The following DDX10 variants were observed in gnomAD, a reference collection of about 807,000 sequenced individuals.
The protein encoded by DDX10 is probable ATP-dependent RNA helicase DDX10.
In DDX10, 74 loss-of-function variants were observed where a neutral mutation model predicts 104.3. The observed-to-expected ratio is 0.71, with a 90% CI of 0.59 to 0.86. The LOEUF (loss-of-function observed/expected upper bound fraction) is 0.86, where lower values mean the gene tolerates loss of function less well. Ranked by LOEUF, DDX10 falls within the 40% of genes least tolerant of loss-of-function variation. The pLI is 0.00. For missense variants in DDX10, 952 were observed against 1,040.0 expected (o/e 0.92, Z 1.16); for synonymous variants, 351 against 353.4 (o/e 0.99, Z 0.08).
chr11:108,696,021 T>C (rs1228499596), intron 9 of DDX10, among the ~76,000 whole-genome samples: 2 of 152,246 alleles, frequency 1.3e-5, no homozygotes, highest in African/African-American at 2.4e-5. Context: ...TATATGATAC[T>C]GTACATTTAG....
At chr11:108,724,401 T>C (rs889464640) in intron 13 of DDX10, among the ~76,000 whole-genome samples, 11 of 152,076 alleles carry the variant, frequency 7.2e-5, no homozygotes, top group African/African-American at 2.4e-4. Context: ...ACTATCTCAT[T>C]ATACAGGTGA....
At chr11:108,884,624 T>C (rs1863270933) in intron 16 of DDX10, among the ~76,000 whole-genome samples, 1 of 152,198 alleles carries the variant, frequency 6.6e-6, no homozygotes, top group Non-Finnish European at 1.5e-5. Flanking sequence ...ATTCTCCTCT[T>C]TTATGAAACT....
chr11:108,889,140 C>T (rs1358564849), intron 16 of DDX10, among the ~76,000 whole-genome samples: 1 of 152,094 alleles, frequency 6.6e-6, no homozygotes, highest in East Asian at 1.9e-4. Context: ...TTATCTTTTT[C>T]AGCTTTTATT....
At chr11:108,818,176 T>C (rs1224254673) in intron 13 of DDX10, among the ~76,000 whole-genome samples, 2 of 152,144 alleles carry the variant, frequency 1.3e-5, no homozygotes, top group African/African-American at 4.8e-5. Flanking sequence ...CTGAGTAAGG[T>C]AGAGCGTATT....
intron 15 of DDX10, among the ~76,000 whole-genome samples, chr11:108,841,854 A>T (rs1565295581): frequency 6.6e-6 from 1 of 152,200 alleles, no homozygotes; most frequent in Non-Finnish European, 1.5e-5. Context: ...ACTATGCAGT[A>T]TGTAGCTTTT....
In DDX10 at chr11:108,879,841, T is replaced by C. The variant is rs149963680; in HGVS notation, c.2304+27632T>C. Among the ~76,000 whole-genome samples, 438 of 152,186 alleles carry C rather than the reference T, an allele frequency of 2.9e-3. 2 individuals carry two copies. The highest frequency in any genetic ancestry group is 9.2e-3 in the African/African-American group (382 of 41,574). The stretch of plus-strand genomic sequence containing the variant: ...CAAGCCTTGTCAGAATGTCCCTTAT[T>C]ACCAGGTGGCCATATCAAAATGTTC... On this transcript the variant is annotated intron_variant, in intron 16 of 17. Coordinates refer to ENST00000322536, the MANE Select transcript of DDX10 (RefSeq NM_004398.4).
At chr11:108,808,205 G>A (rs565751418) in intron 13 of DDX10, among the ~76,000 whole-genome samples, 30 of 152,222 alleles carry the variant, frequency 2.0e-4, no homozygotes, top group African/African-American at 6.3e-4. Flanking sequence ...GGGAATTTGC[G>A]GAGTTTTTTT....
intron 16 of DDX10, among the ~76,000 whole-genome samples, chr11:108,854,952 A>G (rs987965794): frequency 8.3e-6 from 1 of 120,076 alleles, no homozygotes; most frequent in East Asian, 2.5e-4. Flanking sequence ...TTTTGTTAAA[A>G]GATAGATCTA....
At chr11:108,839,340 C>G (rs1565294676) in intron 14 of DDX10, among the ~76,000 whole-genome samples, 1 of 152,128 alleles carries the variant, frequency 6.6e-6, no homozygotes, top group Non-Finnish European at 1.5e-5. Flanking sequence ...CTCACCCTGC[C>G]TCACTTTTCT....
intron 15 of DDX10, among the ~76,000 whole-genome samples, chr11:108,845,076 C>T (rs1310087603): frequency 2.0e-5 from 3 of 151,970 alleles, no homozygotes; most frequent in South Asian, 2.1e-4. Context: ...GTCGTGATGG[C>T]GGGCGCCTGT....
chr11:108,801,912 A>G (rs1041743979), intron 13 of DDX10, among the ~76,000 whole-genome samples: 2 of 152,206 alleles, frequency 1.3e-5, no homozygotes, highest in African/African-American at 4.8e-5. Context: ...AAAGAAAAAT[A>G]TAGAAATTCT....
intron 13 of DDX10, among the ~76,000 whole-genome samples, chr11:108,820,781 C>T (rs1017990785): frequency 5.3e-5 from 8 of 152,264 alleles, no homozygotes; most frequent in East Asian, 3.9e-4. Flanking sequence ...CAGTGACTCC[C>T]GGTGTTTTCA....
At chr11:108,894,318 T>G (rs762555805) in intron 16 of DDX10, among the ~76,000 whole-genome samples, 12 of 152,056 alleles carry the variant, frequency 7.9e-5, no homozygotes, top group Non-Finnish European at 1.8e-4. Context: ...GTGGTAAAGA[T>G]GTAGGAAATT....
At chr11:108,918,109 C>A in intron 17 of DDX10, 91 bp downstream of exon 17, 1 of 1,305,074 alleles carries the variant, frequency 7.7e-7, no homozygotes, top group Non-Finnish European at 1.1e-6. Flanking sequence ...GAGTTCTACT[C>A]CAAGAGATGT....
intron 14 of DDX10, 77 bp downstream of exon 14, chr11:108,838,642 T>C: frequency 2.1e-6 from 3 of 1,447,588 alleles, no homozygotes; most frequent in Non-Finnish European, 2.8e-6. Flanking sequence ...TACTTAGCAC[T>C]CATTAATGAT....
intron 17 of DDX10, among the ~76,000 whole-genome samples, chr11:108,932,805 A>G (rs927067763): frequency 1.3e-5 from 2 of 152,154 alleles, no homozygotes; most frequent in South Asian, 4.1e-4. Flanking sequence ...AAGTAATTTC[A>G]ATTTTTACTT....
At chr11:108,695,759 T>TG (rs2094258910) in intron 9 of DDX10, among the ~76,000 whole-genome samples, 1 of 144,332 alleles carries the variant, frequency 6.9e-6, no homozygotes. Flanking sequence ...AGTGTTTAAG[T>TG]GTTTTTTTTT....
At chr11:108,850,723 C>G (rs114069909) in intron 15 of DDX10, among the ~76,000 whole-genome samples, 2,524 of 152,168 alleles carry the variant, frequency 0.017, 71 homozygotes, top group African/African-American at 0.057. Flanking sequence ...ATACTATGTA[C>G]GAACCTACAA....
intron 6 of DDX10, among the ~76,000 whole-genome samples, chr11:108,680,069 G>A (rs547686950): frequency 6.6e-6 from 1 of 152,238 alleles, no homozygotes; most frequent in East Asian, 1.9e-4. Context: ...TTTATGAAGT[G>A]CATTAATATT....
Sources: allele counts gnomAD v4.1 joint callset (sites outside exome capture counted in the v4.1 genomes callset), GRCh38; gene constraint gnomAD v4.1.1; transcripts MANE v1.5; gene names NCBI Gene and HGNC (gene_info 2026-07-23, HGNC 2026-07-21).